The following SELENOI variants were observed in gnomAD, a reference collection of about 807,000 sequenced individuals.
SELENOI encodes the protein ethanolaminephosphotransferase 1.
In SELENOI, 24 loss-of-function variants were observed where a neutral mutation model predicts 50.7. The ratio of observed to expected loss-of-function variants is 0.47; its 90% CI spans 0.34 to 0.67. The LOEUF (loss-of-function observed/expected upper bound fraction) is 0.67, where lower values mean the gene tolerates loss of function less well. SELENOI is among the 30% of genes least tolerant of loss of function. The probability of loss-of-function intolerance (pLI) is 0.01; values close to 1 mark genes in which losing one functional copy is unlikely to be tolerated. For synonymous variants in SELENOI, 155 were observed against 170.2 expected (o/e 0.91, Z 0.70); for missense variants, 352 against 461.4 (o/e 0.76, Z 2.17).
At chr2:26,378,997 G>C (rs1488689284) in intron 6 of SELENOI, among the ~76,000 whole-genome samples, 1 of 152,174 alleles carries the variant, frequency 6.6e-6, no homozygotes, top group Non-Finnish European at 1.5e-5. Flanking sequence ...TAATCTGGCT[G>C]GGTGCTGTGG....
At position 26,395,165 on chromosome 2, in the gene SELENOI, T is replaced by G. The variant is rs1678062953; in HGVS notation, c.*6062T>G. ...TGCCTATTTAATATGTACACATATATTCACTACATATGTATGTATGATATA... is the reference window on the plus strand; with the variant it reads ...TGCCTATTTAATATGTACACATATAGTCACTACATATGTATGTATGATATA... On this transcript the variant is annotated 3_prime_UTR_variant, in exon 10 of 10. Transcript: ENST00000260585. 1 of 152,268 alleles carries G rather than the reference T, an allele frequency of 6.6e-6. No individual in the cohort carries two copies. Among genetic ancestry groups the G allele is most frequent in the Non-Finnish European group, 1.5e-5 (1 of 68,050 alleles). The allele number at this position is 152,268 out of a possible 1,614,324, so 9.4% of individuals were successfully genotyped here.
intron 8 of SELENOI, among the ~76,000 whole-genome samples, 177 bp from the exon 9 acceptor site, chr2:26,386,177 C>T (rs1185332019): frequency 6.6e-6 from 1 of 152,106 alleles, no homozygotes. Context: ...GGTTTTTGGG[C>T]AGGGCCAGGG....
chr2:26,390,740 G>A lies in SELENOI; in HGVS notation c.*1637G>A, dbSNP rs1355532980. 6.6e-6 allele frequency: 1 copy of A among 152,162 alleles called. No individual in the cohort carries two copies. Among genetic ancestry groups the A allele is most frequent in the Non-Finnish European group, 1.5e-5 (1 of 68,016 alleles). 9.4% of individuals were successfully genotyped at this position (152,162 alleles called of 1,614,324 possible). On this transcript the variant is annotated 3_prime_UTR_variant, in exon 10 of 10. Transcript: ENST00000260585. Reference sequence around the variant, plus strand: ...CGTTGGAAATAGATGAGAAATGGATGCAGAATAATGCAGATAGTGATCCCA... The same window carrying A: ...CGTTGGAAATAGATGAGAAATGGATACAGAATAATGCAGATAGTGATCCCA...
rs1201207309 is a variant in SELENOI, at chr2:26,394,614, A to C, written c.*5511A>C. The C allele has an allele frequency of 6.6e-6, 1 of 152,078 alleles. No homozygotes were observed. Among genetic ancestry groups the C allele is most frequent in the African/African-American group, 2.4e-5 (1 of 41,426 alleles). 9.4% of individuals were successfully genotyped at this position (152,078 alleles called of 1,614,324 possible). A position where few individuals can be genotyped will look rare whatever the true frequency, so the allele number is the denominator to read the frequency against. ...CATTTCAAAAATGTGCCAAGAAAGC[A>C]AAATTCATTATTGAACTCTAAATTT... On this transcript the variant is annotated 3_prime_UTR_variant, in exon 10 of 10. Transcript: ENST00000260585. This position sits in a 1 kb window ranked among gnomAD's most constrained non-coding sequence, Gnocchi z 4.1.
chr2:26,358,318 C>T (rs1677105553), intron 1 of SELENOI, among the ~76,000 whole-genome samples: 3 of 152,148 alleles, frequency 2.0e-5, no homozygotes, highest in East Asian at 3.9e-4. Context: ...ACCTGGGAGG[C>T]GGAGGTTGCA....
chr2:26,355,266 G>A (rs1230293099), intron 1 of SELENOI, among the ~76,000 whole-genome samples: 1 of 152,246 alleles, frequency 6.6e-6, no homozygotes, highest in Non-Finnish European at 1.5e-5. Flanking sequence ...GATAGGAAGT[G>A]AAGGGTGGCA....
chr2:26,387,498 C>G (rs1219116772), intron 9 of SELENOI, among the ~76,000 whole-genome samples: 1 of 151,560 alleles, frequency 6.6e-6, no homozygotes, highest in African/African-American at 2.4e-5. Flanking sequence ...CGAGACCACC[C>G]TGGGTAACAG....
rs778804039 is a variant in SELENOI at position 26,393,336 on chromosome 2, T to C, written c.*4233T>C. 2 of 152,682 alleles carry C rather than the reference T, an allele frequency of 1.3e-5. No homozygotes were observed. Among genetic ancestry groups the C allele is most frequent in the Non-Finnish European group, 2.9e-5 (2 of 68,044 alleles). 9.5% of individuals were successfully genotyped at this position (152,682 alleles called of 1,614,324 possible). On this transcript the variant is annotated 3_prime_UTR_variant, in exon 10 of 10. Coordinates refer to ENST00000260585, the MANE Select transcript of SELENOI (RefSeq NM_033505.4). ...TTTTTAAGCCTGCATGCTAGTAATA[T>C]GCTTTGCTCTTTAGTAAACAAATAT...
intron 4 of SELENOI, among the ~76,000 whole-genome samples, chr2:26,370,109 C>T (rs976868998): frequency 6.6e-6 from 1 of 151,268 alleles, no homozygotes; most frequent in Non-Finnish European, 1.5e-5. Flanking sequence ...GCACATCTTG[C>T]ACCGCCCTTA....
Position 26,392,839 on chromosome 2 carries a change from C to T in SELENOI, c.*3736C>T, listed in dbSNP as rs961566215. ...AGTCAGACCAGAATTTTCTTTGTCC[C>T]ATGAGGTGTCTTTGTAAGTCAGCAT... On this transcript the variant is annotated 3_prime_UTR_variant, in exon 10 of 10. Coordinates refer to ENST00000260585, the MANE Select transcript of SELENOI (RefSeq NM_033505.4). The T allele has an allele frequency of 1.3e-5, 2 of 152,210 alleles. No individual in the cohort carries two copies. The highest frequency in any genetic ancestry group is 4.8e-5 in the African/African-American group (2 of 41,448). The allele number at this position is 152,210 out of a possible 1,614,324, so 9.4% of individuals were successfully genotyped here. A position where few individuals can be genotyped will look rare whatever the true frequency, so the allele number is the denominator to read the frequency against.
At chr2:26,388,408 T>A (rs1677893067) in intron 9 of SELENOI, among the ~76,000 whole-genome samples, 1 of 152,196 alleles carries the variant, frequency 6.6e-6, no homozygotes, top group African/African-American at 2.4e-5. Flanking sequence ...TCATCTTTTT[T>A]ATCTGTCTTT....
chr2:26,387,850 T>C (rs1341561718), intron 9 of SELENOI, among the ~76,000 whole-genome samples: 1 of 152,238 alleles, frequency 6.6e-6, no homozygotes, highest in Non-Finnish European at 1.5e-5. Context: ...AAAACACTTC[T>C]ATTTGGTATG....
At chr2:26,367,355 A>G in intron 4 of SELENOI, 135 bp downstream of exon 4, 1 of 668,896 alleles carries the variant, frequency 1.5e-6, no homozygotes, top group Non-Finnish European at 2.3e-6. Flanking sequence ...CAAATTGATA[A>G]ATATGTTTTT....
At chr2:26,347,134 T>TGG (rs1023295736) in intron 1 of SELENOI, among the ~76,000 whole-genome samples, 2 of 152,206 alleles carry the variant, frequency 1.3e-5, no homozygotes, top group African/African-American at 4.8e-5. Context: ...GCCTGAAATA[T>TGG]GGGCTTTAAC....
chr2:26,367,264 T>C, intron 4 of SELENOI, 44 bp downstream of exon 4: 1 of 1,453,618 alleles, frequency 6.9e-7, no homozygotes, highest in Non-Finnish European at 9.5e-7. Context: ...GACTGGTGAA[T>C]CAGCAAGGAT....
chr2:26,359,079 G>A (rs942971066), intron 1 of SELENOI, among the ~76,000 whole-genome samples: 1 of 152,090 alleles, frequency 6.6e-6, no homozygotes, highest in Non-Finnish European at 1.5e-5. Context: ...TTAGAACACC[G>A]CCAGCCCCAT....
intron 4 of SELENOI, among the ~76,000 whole-genome samples, chr2:26,370,632 T>C (rs1574757456): frequency 3.0e-5 from 1 of 33,324 alleles, no homozygotes; most frequent in African/African-American, 9.3e-5. Flanking sequence ...CCCACCTCCC[T>C]CCCAGACGGG....
chr2:26,369,760 A>G (rs1401071976), intron 4 of SELENOI, among the ~76,000 whole-genome samples: 1 of 152,182 alleles, frequency 6.6e-6, no homozygotes, highest in East Asian at 1.9e-4. Flanking sequence ...CTTTTTATAT[A>G]CTTCACTCTT....
intron 5 of SELENOI, among the ~76,000 whole-genome samples, chr2:26,374,436 G>T (rs559700109): frequency 6.6e-6 from 1 of 152,310 alleles, no homozygotes; most frequent in Admixed American, 6.5e-5. Context: ...AAGTGGTTGG[G>T]TGGGTAAATT....
Sources: allele counts gnomAD v4.1 joint callset (sites outside exome capture counted in the v4.1 genomes callset), GRCh38; gene constraint gnomAD v4.1.1; non-coding constraint Gnocchi (gnomAD v3.1); transcripts MANE v1.5; gene names NCBI Gene and HGNC (gene_info 2026-07-23, HGNC 2026-07-21).